Variants in RTN4 observed in about 807,000 individuals in gnomAD.
RTN4 encodes reticulon-4.
RTN4 carries 32 observed loss-of-function variants against 90.4 expected under a neutral mutation model. That is an observed-to-expected ratio of 0.35 (90% CI 0.27 to 0.48). The LOEUF is 0.48. Among genes scored for constraint, RTN4 ranks in the 20% least tolerant of loss-of-function variants. The pLI is 0.99. For missense variants in RTN4, 1,706 were observed against 1,430.2 expected (o/e 1.19, Z -3.11); for synonymous variants, 629 against 552.5 (o/e 1.14, Z -1.94).
the RTN4 span, among the ~76,000 whole-genome samples, chr2:55,133,345 G>C: frequency 6.6e-6 from 1 of 150,540 alleles, no homozygotes; most frequent in African/African-American, 2.4e-5. Flanking sequence ...GTTGTCTTTT[G>C]CTTGTTTACT....
intron 1 of RTN4, among the ~76,000 whole-genome samples, chr2:55,092,206 G>A (rs1418251823): frequency 6.7e-6 from 1 of 148,282 alleles, no homozygotes; most frequent in Non-Finnish European, 1.5e-5. Context: ...AAAAAAGGAA[G>A]CTCAATGAAG....
upstream of RTN4, among the ~76,000 whole-genome samples, chr2:55,052,061 G>A (rs1389669124): frequency 6.6e-6 from 1 of 152,168 alleles, no homozygotes; most frequent in Non-Finnish European, 1.5e-5. Context: ...AAGAGTTGGA[G>A]GGAGGGATAA....
chr2:55,020,539 A>AT (rs2104834415), intron 3 of RTN4, among the ~76,000 whole-genome samples: 1 of 152,268 alleles, frequency 6.6e-6, no homozygotes, highest in South Asian at 2.1e-4. Flanking sequence ...TTTGTCACAA[A>AT]TTTCTTTGTA....
chr2:55,026,678 C>T lies in RTN4; in HGVS notation c.1421G>A (p.Ser474Asn). The change falls in exon 3 of 9, where the codon AGC becomes AAC. Residue 474 changes from serine (S) to asparagine (N), a missense_variant. Coordinates refer to ENST00000337526, the MANE Select transcript of RTN4 (RefSeq NM_020532.5). ...CAAAGGAAAAATGTTTGTTGCAATGCTCTCAGTTGCTGCTGGGTTAAAGGG... is the reference window on the plus strand; with the variant it reads ...CAAAGGAAAAATGTTTGTTGCAATGTTCTCAGTTGCTGCTGGGTTAAAGGG... ...CAPFNPAATESIATNIFPLLG... is the reference protein window; with the variant it reads ...CAPFNPAATENIATNIFPLLG... 6.2e-7 allele frequency: 1 copy of T among 1,613,676 alleles called. No individual in the cohort carries two copies. Among genetic ancestry groups the T allele is most frequent in the Middle Eastern group, 1.6e-4 (1 of 6,062 alleles).
intron 1 of RTN4, among the ~76,000 whole-genome samples, chr2:55,090,823 T>C (rs75822203): frequency 0.011 from 1,698 of 152,268 alleles, 29 homozygotes; most frequent in African/African-American, 0.038. Context: ...CCCTCAGTCT[T>C]TTCCACCTCA....
At chr2:55,102,870 G>C (rs1029195499) in intron 1 of RTN4, among the ~76,000 whole-genome samples, 1 of 152,110 alleles carries the variant, frequency 6.6e-6, no homozygotes, top group Non-Finnish European at 1.5e-5. Flanking sequence ...TGTAATCCCA[G>C]CACTTTGGGA....
intron 1 of RTN4, among the ~76,000 whole-genome samples, chr2:55,044,809 AAG>A (rs1264768757): frequency 6.6e-6 from 1 of 150,638 alleles, no homozygotes; most frequent in African/African-American, 2.4e-5. Context: ...AAAAAAAAAA[AAG>A]ACCACAAATT....
intron 2 of RTN4, among the ~76,000 whole-genome samples, chr2:55,072,378 C>T (rs189524700): frequency 5.9e-4 from 90 of 152,112 alleles, no homozygotes; most frequent in African/African-American, 2.0e-3. Flanking sequence ...TACAGGTGCC[C>T]ACCACCATGC....
At chr2:55,089,581 C>T (rs1668901332) in intron 1 of RTN4, among the ~76,000 whole-genome samples, 1 of 152,206 alleles carries the variant, frequency 6.6e-6, no homozygotes, top group Admixed American at 6.5e-5. Context: ...ACTTAAAATT[C>T]AGCGTTTAAG....
intron 4 of RTN4, among the ~76,000 whole-genome samples, chr2:54,984,382 A>T (rs751523601): frequency 2.0e-5 from 3 of 152,226 alleles, no homozygotes; most frequent in African/African-American, 4.8e-5. Flanking sequence ...TTAACAAAAA[A>T]CTGAATTATT....
the RTN4 span, among the ~76,000 whole-genome samples, chr2:55,125,429 C>T: frequency 6.6e-6 from 1 of 152,134 alleles, no homozygotes; most frequent in African/African-American, 2.4e-5. Context: ...GGAAAACAAC[C>T]CCATTAAAAA....
At chr2:55,100,288 G>A (rs992143548) in intron 1 of RTN4, among the ~76,000 whole-genome samples, 1 of 152,102 alleles carries the variant, frequency 6.6e-6, no homozygotes, top group Admixed American at 6.5e-5. Context: ...CATTCGTCTT[G>A]TCTTTCCTAG....
chr2:55,028,116 T>A, intron 2 of RTN4, 48 bp downstream of exon 2: 1 of 1,536,258 alleles, frequency 6.5e-7, no homozygotes, highest in South Asian at 1.2e-5. Context: ...CACTAAAGAG[T>A]TAAAGTTAGA....
At chr2:55,017,900 T>C (rs1001992306) in intron 3 of RTN4, among the ~76,000 whole-genome samples, 1 of 152,190 alleles carries the variant, frequency 6.6e-6, no homozygotes, top group African/African-American at 2.4e-5. Flanking sequence ...CAGTAGCACC[T>C]TGATTGCCTG....
intron 3 of RTN4, among the ~76,000 whole-genome samples, chr2:55,014,798 A>C (rs1443759690): frequency 6.6e-6 from 1 of 152,166 alleles, no homozygotes; most frequent in East Asian, 1.9e-4. Context: ...TACAGACGTG[A>C]GCCACTGCAC....
chr2:55,099,033 A>T (rs994042327), intron 1 of RTN4, among the ~76,000 whole-genome samples: 39 of 152,154 alleles, frequency 2.6e-4, no homozygotes, highest in Admixed American at 9.2e-4. Context: ...TTACGTTAGC[A>T]ATCACTTCTC....
the RTN4 span, among the ~76,000 whole-genome samples, chr2:55,136,215 G>T: frequency 1.3e-5 from 2 of 152,288 alleles, no homozygotes; most frequent in East Asian, 3.9e-4. Flanking sequence ...AGTTTCACTG[G>T]TCTATAACCT....
chr2:54,974,665 T>C (rs1206498770), intron 6 of RTN4, 30 bp downstream of exon 6: 1 of 1,538,774 alleles, frequency 6.5e-7, no homozygotes, highest in South Asian at 1.1e-5. Context: ...TTTCCAGCAA[T>C]TTTTCATCCC....
At chr2:55,066,805 T>C (rs1245680424) in intron 2 of RTN4, among the ~76,000 whole-genome samples, 1 of 152,196 alleles carries the variant, frequency 6.6e-6, no homozygotes. Flanking sequence ...TATGAAATTG[T>C]CATTTTTATA....
Sources: allele counts gnomAD v4.1 joint callset (sites outside exome capture counted in the v4.1 genomes callset), GRCh38; gene constraint gnomAD v4.1.1; transcripts MANE v1.5; gene names NCBI Gene and HGNC (gene_info 2026-07-23, HGNC 2026-07-21).